LRMDA: variants seen among roughly 807,000 people sequenced by gnomAD.
LRMDA encodes the protein leucine-rich melanocyte differentiation-associated protein.
Under a neutral mutation model 29.8 loss-of-function variants are expected in LRMDA, and 18 were observed. The ratio of observed to expected loss-of-function variants is 0.60; its 90% confidence interval spans 0.42 to 0.90. The LOEUF is 0.90. Among genes scored for constraint, LRMDA ranks in the 40% least tolerant of loss-of-function variants. LRMDA has a pLI of 0.00. For synonymous variants in LRMDA, 125 were observed against 109.4 expected, an observed-to-expected ratio of 1.14 and a Z score of -0.89; for missense variants, 273 against 273.9, an observed-to-expected ratio of 1.00 and a Z score of 0.02.
rs143508866 is a variant in LRMDA at position 76,004,750 on chromosome 10, C to T, written c.132-31258C>T. On this transcript the variant is annotated intron_variant, in intron 2 of 6. Coordinates refer to ENST00000611255, the MANE Select transcript of LRMDA (RefSeq NM_001305581.2). The stretch of plus-strand genomic sequence containing the variant: ...AATTTTTTTTTTTTTTTTTTTGAGA[C>T]GGAGTCTCACTCTGTGGCCCAGGCT... Among the ~76,000 whole-genome samples the T allele has an allele frequency of 6.2e-3, 847 of 135,872 alleles. 39 individuals are homozygous for T. The East Asian group carries it at 0.13, about 21-fold the overall frequency. The allele number at this position is 135,872 out of a possible 152,430, so 89.1% of individuals were successfully genotyped here. A position where few individuals can be genotyped will look rare whatever the true frequency, so the allele number is the denominator to read the frequency against.
At chr10:76,073,000 T>C (rs1848898680) in intron 5 of LRMDA, among the ~76,000 whole-genome samples, 1 of 152,154 alleles carries the variant, frequency 6.6e-6, no homozygotes, top group Admixed American at 6.5e-5. Context: ...GTGGTCTGAT[T>C]GTGTTTGTCC....
At chr10:75,982,235 A>C (rs1367821661) in intron 2 of LRMDA, among the ~76,000 whole-genome samples, 1 of 152,220 alleles carries the variant, frequency 6.6e-6, no homozygotes, top group Non-Finnish European at 1.5e-5. Flanking sequence ...TACTCTACAC[A>C]GACAGTAGGC....
chr10:76,097,826 TTTG>T (rs1849338161), intron 5 of LRMDA, among the ~76,000 whole-genome samples: 1 of 152,162 alleles, frequency 6.6e-6, no homozygotes, highest in African/African-American at 2.4e-5. Context: ...TTATTAATAT[TTTG>T]TTGTAGATTT....
intron 5 of LRMDA, among the ~76,000 whole-genome samples, chr10:76,141,456 A>T (rs1270125389): frequency 6.6e-6 from 1 of 152,162 alleles, no homozygotes; most frequent in African/African-American, 2.4e-5. Context: ...GTTAAAGATC[A>T]TGTGTAATTA....
intron 6 of LRMDA, among the ~76,000 whole-genome samples, chr10:76,389,227 G>A (rs1286509616): frequency 6.6e-6 from 1 of 152,104 alleles, no homozygotes; most frequent in East Asian, 1.9e-4. Flanking sequence ...AAGTGAGTAC[G>A]GCATATTCAG....
intron 2 of LRMDA, among the ~76,000 whole-genome samples, chr10:75,973,500 C>A (rs1847016201): frequency 1.3e-5 from 2 of 151,474 alleles, no homozygotes. Context: ...CTCACTGCAA[C>A]CTCCACCTCC....
At chr10:75,511,135 C>T (rs954182710) in intron 2 of LRMDA, among the ~76,000 whole-genome samples, 9 of 152,048 alleles carry the variant, frequency 5.9e-5, no homozygotes, top group African/African-American at 2.2e-4. Flanking sequence ...CGAGACCAGC[C>T]TGAGCGACAT....
At chr10:76,265,580 A>G (rs1229325485) in intron 5 of LRMDA, among the ~76,000 whole-genome samples, 1 of 152,180 alleles carries the variant, frequency 6.6e-6, no homozygotes, top group Non-Finnish European at 1.5e-5. Context: ...TATAACAAGC[A>G]CAGGCGAGGC....
At chr10:75,955,028 C>T (rs1564615950) in intron 2 of LRMDA, among the ~76,000 whole-genome samples, 1 of 152,128 alleles carries the variant, frequency 6.6e-6, no homozygotes, top group Non-Finnish European at 1.5e-5. Flanking sequence ...CATTGTGTGG[C>T]AGTTTAATTG....
chr10:76,448,295 T>A (rs1173075379), intron 6 of LRMDA, among the ~76,000 whole-genome samples: 1 of 152,060 alleles, frequency 6.6e-6, no homozygotes, highest in African/African-American at 2.4e-5. Flanking sequence ...TCAAAAGCAA[T>A]TTTTTTAACA....
chr10:75,784,285 G>C (rs1843434468), intron 2 of LRMDA, among the ~76,000 whole-genome samples: 1 of 152,094 alleles, frequency 6.6e-6, no homozygotes, highest in South Asian at 2.1e-4. Context: ...ATAGTAATAG[G>C]GTTATCTTAC....
At position 76,476,624 on chromosome 10, in the gene LRMDA, T is replaced by C. The variant is rs370176718; in HGVS notation, c.602-80585T>C. 1.1e-4 allele frequency among the ~76,000 whole-genome samples: 16 copies of C among 152,272 alleles called. No individual in the cohort carries two copies. In the East Asian group the frequency reaches 2.3e-3, roughly 22 times the overall value. On this transcript the variant is annotated intron_variant, in intron 6 of 6. Transcript: ENST00000611255. Reference sequence around the variant, plus strand: ...AAAGAGAATTTTAGACCAATATCCCTGATAAGCATCGATGCAAAAATCCTC... The same window carrying C: ...AAAGAGAATTTTAGACCAATATCCCCGATAAGCATCGATGCAAAAATCCTC...
intron 2 of LRMDA, among the ~76,000 whole-genome samples, chr10:75,911,442 T>C (rs879760542): frequency 5.9e-5 from 9 of 152,120 alleles, no homozygotes; most frequent in Non-Finnish European, 1.0e-4. Context: ...AAGGTAGAAA[T>C]TCAGGTTAAT....
At chr10:75,461,614 A>G (rs1844586779) in intron 2 of LRMDA, among the ~76,000 whole-genome samples, 1 of 152,070 alleles carries the variant, frequency 6.6e-6, no homozygotes, top group African/African-American at 2.4e-5. Flanking sequence ...TCTATAGGAG[A>G]TGGAGGATGG....
rs567645100 is a variant in LRMDA, at chr10:76,039,266, C to T, written c.258+3132C>T. Reference sequence around the variant, plus strand: ...AGACCTTGGCATTGGCATCTTGTCTCCTTCAGATTTTACTTTATATTTGTG... The same window carrying T: ...AGACCTTGGCATTGGCATCTTGTCTTCTTCAGATTTTACTTTATATTTGTG... On this transcript the variant is annotated intron_variant, in intron 3 of 6. Transcript: ENST00000611255. Among the ~76,000 whole-genome samples the T allele has an allele frequency of 3.9e-5, 6 of 152,298 alleles. 1 individual carries two copies. The South Asian group carries it at 1.0e-3, about 26-fold the overall frequency.
chr10:76,180,225 C>T (rs986776408), intron 5 of LRMDA, among the ~76,000 whole-genome samples: 4 of 151,666 alleles, frequency 2.6e-5, no homozygotes, highest in East Asian at 1.9e-4. Flanking sequence ...CTCCTGTGAG[C>T]CCAGTAGAGA....
At chr10:76,200,660 G>A (rs947224612) in intron 5 of LRMDA, among the ~76,000 whole-genome samples, 2 of 151,368 alleles carry the variant, frequency 1.3e-5, no homozygotes, top group African/African-American at 4.9e-5. Context: ...ATATTGGATA[G>A]CATGCCACAT....
chr10:75,553,817 T>C (rs1320275624), intron 2 of LRMDA, among the ~76,000 whole-genome samples: 1 of 152,048 alleles, frequency 6.6e-6, no homozygotes, highest in Non-Finnish European at 1.5e-5. Flanking sequence ...GTGCACAGTG[T>C]AGGGGGCTCT....
At chr10:75,492,718 C>G (rs1845002747) in intron 2 of LRMDA, among the ~76,000 whole-genome samples, 1 of 152,168 alleles carries the variant, frequency 6.6e-6, no homozygotes, top group Non-Finnish European at 1.5e-5. Context: ...CTTCTGTTCC[C>G]TGCCCATGGT....
Sources: allele counts gnomAD v4.1 joint callset (sites outside exome capture counted in the v4.1 genomes callset), GRCh38; gene constraint gnomAD v4.1.1; transcripts MANE v1.5; gene names NCBI Gene and HGNC (gene_info 2026-07-23, HGNC 2026-07-21).